CACNA1B: variants seen among roughly 807,000 people sequenced by gnomAD.
CACNA1B encodes the protein calcium voltage-gated channel subunit alpha1 B, also known as voltage-dependent N-type calcium channel subunit alpha-1B.
CACNA1B carries 70 observed loss-of-function variants against 247.2 expected under a neutral mutation model. The ratio of observed to expected loss-of-function variants is 0.28; its 90% CI spans 0.23 to 0.35. The LOEUF (loss-of-function observed/expected upper bound fraction) is 0.35, where lower values mean the gene tolerates loss of function less well. Ranked by LOEUF, CACNA1B falls within the 10% of genes least tolerant of loss-of-function variation. The pLI, the probability that CACNA1B is intolerant of heterozygous loss-of-function variation, is 1.00. For missense variants in CACNA1B, 2,367 were observed against 3,197.4 expected (o/e 0.74, Z 6.26); for synonymous variants, 1,231 against 1,294.4 (o/e 0.95, Z 1.05).
chr9:138,113,303 C>T (rs1213253527), intron 40 of CACNA1B, among the ~76,000 whole-genome samples: 2 of 147,486 alleles, frequency 1.4e-5, no homozygotes, highest in Non-Finnish European at 1.5e-5. Context: ...ATGAGGTGCC[C>T]AACTCCATCT....
rs1025537100 is a variant in CACNA1B, at chr9:137,974,026, C to T, written c.1544-1881C>T. ...GGCCTCTCCTCCCTGGGTCCGAGCC[C>T]CTCGTGTGGGGAGCCCGAGGCCTTT... On this transcript the variant is annotated intron_variant, in intron 11 of 46. Coordinates refer to ENST00000371372, the MANE Select transcript of CACNA1B (RefSeq NM_000718.4). This position sits in a 1 kb window ranked among gnomAD's most constrained non-coding sequence, Gnocchi z 4.5. Among the ~76,000 whole-genome samples, 1 of 152,214 alleles carries T rather than the reference C, an allele frequency of 6.6e-6. No homozygotes were observed. Among genetic ancestry groups the T allele is most frequent in the African/African-American group, 2.4e-5 (1 of 41,458 alleles).
chr9:138,121,046 G>A lies in CACNA1B; in HGVS notation c.6489+165G>A, dbSNP rs1962075902. Among the ~76,000 whole-genome samples the A allele has an allele frequency of 6.6e-6, 1 of 152,092 alleles. No homozygotes were observed. The highest frequency in any genetic ancestry group is 2.1e-4 in the South Asian group (1 of 4,834). ...CTCTGTGCCCTGTCCCGGAGCCCACGTCTGCAGCCTACCCCAGCTGTGTTC... is the reference window on the plus strand; with the variant it reads ...CTCTGTGCCCTGTCCCGGAGCCCACATCTGCAGCCTACCCCAGCTGTGTTC... On this transcript the variant is annotated intron_variant, in intron 46 of 46. Transcript: ENST00000371372. The surrounding 1 kb of genome is among the most constrained non-coding windows in gnomAD (Gnocchi z 6.8).
intron 15 of CACNA1B, among the ~76,000 whole-genome samples, chr9:137,989,296 C>T (rs533752545): frequency 1.4e-4 from 22 of 152,206 alleles, no homozygotes; most frequent in East Asian, 1.9e-4. Flanking sequence ...GTGAACCGTA[C>T]GCCGGGTGTG....
Position 137,880,013 on chromosome 9 carries a change from G to A in CACNA1B, c.390+854G>A, listed in dbSNP as rs528332835. Among the ~76,000 whole-genome samples the A allele has an allele frequency of 5.9e-5, 9 of 152,344 alleles. No individual in the cohort carries two copies. In the East Asian group the frequency reaches 1.7e-3, roughly 29 times the overall value. ...GGGGCCCAGGGGGTGCGGGGCCAGA[G>A]GCGTCCAGGAGACGGCCTCTCTGGG... On this transcript the variant is annotated intron_variant, in intron 2 of 46. Coordinates refer to ENST00000371372, the MANE Select transcript of CACNA1B (RefSeq NM_000718.4). This position sits in a 1 kb window ranked among gnomAD's most constrained non-coding sequence, Gnocchi z 4.8.
In CACNA1B at chr9:138,073,878, C is replaced by A; in HGVS notation, c.4792-123C>A. 1.3e-6 allele frequency: 1 copy of A among 764,116 alleles called. No individual in the cohort carries two copies. The allele number at this position is 764,116 out of a possible 1,614,324, so 47.3% of individuals were successfully genotyped here. A position where few individuals can be genotyped will look rare whatever the true frequency, so the allele number is the denominator to read the frequency against. On this transcript the variant is annotated intron_variant, in intron 33 of 46. Transcript: ENST00000371372. This position sits in a 1 kb window ranked among gnomAD's most constrained non-coding sequence, Gnocchi z 6.4. Reference sequence around the variant, plus strand: ...ATCACTTGGTGGAGGGGCTTGGTGGCCAGTGGGATGGAGCTTGAGTAGGCT... The same window carrying A: ...ATCACTTGGTGGAGGGGCTTGGTGGACAGTGGGATGGAGCTTGAGTAGGCT...
intron 6 of CACNA1B, among the ~76,000 whole-genome samples, chr9:137,948,110 A>G (rs1219772226): frequency 5.3e-5 from 8 of 150,616 alleles, no homozygotes; most frequent in Non-Finnish European, 1.0e-4. Context: ...GCTGTGGAGT[A>G]GCTGGGATTA....
At chr9:137,878,812 G>A (rs1031460201) in intron 1 of CACNA1B, among the ~76,000 whole-genome samples, 2 of 152,148 alleles carry the variant, frequency 1.3e-5, no homozygotes, top group Non-Finnish European at 2.9e-5. Context: ...GCTGACGGCC[G>A]CCCGGGTGTG....
chr9:138,046,811 G>A, intron 21 of CACNA1B, 93 bp from the exon 22 acceptor site: 2 of 1,244,842 alleles, frequency 1.6e-6, no homozygotes, highest in Admixed American at 2.0e-5. Flanking sequence ...GCAGCCCAGA[G>A]CCCTTTCTGC....
chr9:138,041,235 A>G (rs1028463765), intron 20 of CACNA1B, among the ~76,000 whole-genome samples: 3 of 152,132 alleles, frequency 2.0e-5, no homozygotes, highest in Non-Finnish European at 4.4e-5. Context: ...AGCGAACCCA[A>G]GGCTTGGGAC....
intron 32 of CACNA1B, 48 bp downstream of exon 32, chr9:138,069,811 G>T (rs201041769): frequency 3.2e-6 from 5 of 1,570,130 alleles, no homozygotes; most frequent in Non-Finnish European, 4.4e-6. Flanking sequence ...TGCTTTGCTC[G>T]CTCTGCTCCT....
chr9:137,894,610 G>T (rs1056942709), intron 3 of CACNA1B, among the ~76,000 whole-genome samples: 1 of 151,958 alleles, frequency 6.6e-6, no homozygotes, highest in East Asian at 1.9e-4. Flanking sequence ...GGGTTTCACC[G>T]TGTGAGCCAG....
chr9:138,101,408 C>T (rs1160842375), intron 37 of CACNA1B, among the ~76,000 whole-genome samples: 5 of 152,206 alleles, frequency 3.3e-5, no homozygotes, highest in Non-Finnish European at 7.3e-5. Context: ...TTTGAGAGTG[C>T]ACAGAAAGCT....
intron 31 of CACNA1B, among the ~76,000 whole-genome samples, chr9:138,064,088 G>A (rs775069773): frequency 1.3e-5 from 2 of 151,992 alleles, no homozygotes; most frequent in East Asian, 1.9e-4. Flanking sequence ...TGGCCCCTGC[G>A]CACACTCTGA....
intron 37 of CACNA1B, among the ~76,000 whole-genome samples, chr9:138,099,260 T>C (rs1961163815): frequency 6.7e-6 from 1 of 149,504 alleles, no homozygotes; most frequent in East Asian, 1.9e-4. Context: ...TACATGTGTG[T>C]TTTGTGCACA....
rs1434043213 is a variant in CACNA1B, at chr9:137,957,253, C to G, written c.1244-345C>G. ...ACTTCCGTGGCAATCTCAGCCGGCCCCATGCCTGCGGCTCTGAGCAGGTCT... is the reference window on the plus strand; with the variant it reads ...ACTTCCGTGGCAATCTCAGCCGGCCGCATGCCTGCGGCTCTGAGCAGGTCT... On this transcript the variant is annotated intron_variant, in intron 9 of 46. Coordinates refer to ENST00000371372, the MANE Select transcript of CACNA1B (RefSeq NM_000718.4). This position sits in a 1 kb window ranked among gnomAD's most constrained non-coding sequence, Gnocchi z 4.7. Among the ~76,000 whole-genome samples, 1 of 152,232 alleles carries G rather than the reference C, an allele frequency of 6.6e-6. No individual in the cohort carries two copies. The highest frequency in any genetic ancestry group is 1.5e-5 in the Non-Finnish European group (1 of 68,048).
chr9:138,068,859 G>T (rs1295542813), intron 31 of CACNA1B, among the ~76,000 whole-genome samples: 1 of 152,216 alleles, frequency 6.6e-6, no homozygotes, highest in East Asian at 1.9e-4. Context: ...CTGGTGTAGG[G>T]CAGAGGCCTT....
intron 18 of CACNA1B, among the ~76,000 whole-genome samples, chr9:138,021,792 T>A (rs1338814921): frequency 6.6e-6 from 1 of 152,176 alleles, no homozygotes; most frequent in African/African-American, 2.4e-5. Context: ...AAGGACTGGA[T>A]GAAGTGGGCA....
intron 6 of CACNA1B, among the ~76,000 whole-genome samples, chr9:137,927,468 C>G (rs552138348): frequency 6.6e-6 from 1 of 152,250 alleles, no homozygotes; most frequent in South Asian, 2.1e-4. Context: ...GGTGATCCGC[C>G]CACCTCGGAT....
chr9:137,980,541 G>A (rs1380365475), intron 12 of CACNA1B, among the ~76,000 whole-genome samples: 1 of 152,168 alleles, frequency 6.6e-6, no homozygotes, highest in Non-Finnish European at 1.5e-5. Context: ...TTAGATTCAG[G>A]GGTTACACGT....
Sources: allele counts gnomAD v4.1 joint callset (sites outside exome capture counted in the v4.1 genomes callset), GRCh38; gene constraint gnomAD v4.1.1; non-coding constraint Gnocchi (gnomAD v3.1); transcripts MANE v1.5; gene names NCBI Gene and HGNC (gene_info 2026-07-23, HGNC 2026-07-21).